The following KCNV2 variants were observed in gnomAD, a reference collection of about 807,000 sequenced individuals.
The protein encoded by KCNV2 is potassium voltage-gated channel subfamily V member 2.
Under a neutral mutation model 37.0 loss-of-function variants are expected in KCNV2, and 65 were observed. That is an observed-to-expected ratio of 1.76 (90% CI 1.44 to 2.16). KCNV2 has a LOEUF of 2.16. Ranked by LOEUF, KCNV2 falls within the 30% of genes most tolerant of loss-of-function variation. KCNV2 has a pLI of 0.00. For synonymous variants in KCNV2, 518 were observed against 328.6 expected (o/e 1.58, Z -6.23); for missense variants, 1,232 against 766.7 (o/e 1.61, Z -7.17).
rs1409220982 is a variant in KCNV2, at chr9:2,729,541, C to G, written c.1452C>G (p.Leu484=). ...AFLCIAFGII[L]NGMPISILYN... is the part of the protein sequence containing the mutation. ...TCTGCATTGCTTTTGGGATCATTCTCAACGGGATGCCCATTTCCATCCTCT... is the reference window on the plus strand; with the variant it reads ...TCTGCATTGCTTTTGGGATCATTCTGAACGGGATGCCCATTTCCATCCTCT... The change falls in exon 2 of 2, where the codon CTC becomes CTG. Residue 484 remains leucine (L), a synonymous_variant. Coordinates refer to ENST00000382082, the MANE Select transcript of KCNV2 (RefSeq NM_133497.4). The G allele has an allele frequency of 6.2e-7, 1 of 1,614,018 alleles. No individual in the cohort carries two copies. The highest frequency in any genetic ancestry group is 1.3e-5 in the African/African-American group (1 of 74,922).
Position 2,723,783 on chromosome 9 carries a change from A to T in KCNV2, c.1356+4688A>T, listed in dbSNP as rs143740885. Among the ~76,000 whole-genome samples the T allele has an allele frequency of 3.7e-3, 559 of 152,328 alleles. 3 individuals are homozygous for T. Among genetic ancestry groups the T allele is most frequent in the African/African-American group, 0.013 (529 of 41,578 alleles). ...ATACGAGAAGGTCAGCTGTTCCCTC[A>T]TGGGAGAACTTCTGAGAGTCCAGAT... On this transcript the variant is annotated intron_variant, in intron 1 of 1. Transcript: ENST00000382082.
rs759494325 is a variant in KCNV2, at chr9:2,729,412, CTAA to C, written c.1357-33_1357-31del. ...TTTCTTCTCCTCCCCGATCTTAGTG[CTAA>C]CAATTCCATCCTGCTTTCCTTCCTC... is the stretch of plus-strand genomic sequence containing the variant. On this transcript the variant is annotated intron_variant, in intron 1 of 1. Coordinates refer to ENST00000382082, the MANE Select transcript of KCNV2 (RefSeq NM_133497.4). 1.9e-6 allele frequency: 3 copies of C among 1,611,748 alleles called. No homozygotes were observed. The East Asian group carries it at 6.7e-5, about 36-fold the overall frequency.
chr9:2,718,501 C>G lies in KCNV2; in HGVS notation c.762C>G (p.Phe254Leu), dbSNP rs147022958. Residue 254 changes from phenylalanine (F) to leucine (L), a missense_variant, in exon 1 of 2, where the codon TTC (phenylalanine) becomes TTG (leucine). Transcript: ENST00000382082. ...RRLWNLMEKPFSSVAAKAIGV... is the reference protein window; with the variant it reads ...RRLWNLMEKPLSSVAAKAIGV... Reference sequence around the variant, plus strand: ...TCTGGAACCTCATGGAGAAGCCATTCTCCTCGGTGGCCGCCAAGGCCATCG... The same window carrying G: ...TCTGGAACCTCATGGAGAAGCCATTGTCCTCGGTGGCCGCCAAGGCCATCG... 1.1e-3 allele frequency: 1,748 copies of G among 1,610,838 alleles called. 5 individuals are homozygous for G. The highest frequency in any genetic ancestry group is 1.4e-3 in the Non-Finnish European group (1,611 of 1,179,084).
At position 2,717,667 on chromosome 9, in the gene KCNV2, T is replaced by C. The variant is rs1819753748; in HGVS notation, c.-73T>C. Reference sequence around the variant, plus strand: ...GTGCAGGCCACGTGATCCATCCTCCTAGAGGCAGTGAGCAGGTGAGGGACC... The same window carrying C: ...GTGCAGGCCACGTGATCCATCCTCCCAGAGGCAGTGAGCAGGTGAGGGACC... On this transcript the variant is annotated 5_prime_UTR_variant, in exon 1 of 2. Coordinates refer to ENST00000382082, the MANE Select transcript of KCNV2 (RefSeq NM_133497.4). The C allele has an allele frequency of 4.4e-6, 7 of 1,595,446 alleles. No homozygotes were observed. Among genetic ancestry groups the C allele is most frequent in the African/African-American group, 1.3e-5 (1 of 74,730 alleles).
chr9:2,721,657 G>C (rs1436821568), intron 1 of KCNV2, among the ~76,000 whole-genome samples: 1 of 150,602 alleles, frequency 6.6e-6, no homozygotes, highest in African/African-American at 2.5e-5. Context: ...TACAGGGTAG[G>C]AGAAGAAAAA....
intron 1 of KCNV2, among the ~76,000 whole-genome samples, chr9:2,722,412 TTATTTATAAA>T (rs1819893259): frequency 7.2e-6 from 1 of 138,420 alleles, no homozygotes; most frequent in Admixed American, 7.2e-5. Flanking sequence ...TATAAATAAG[TTATTTATAAA>T]TAGAAGTTAT....
chr9:2,718,795 C>A lies in KCNV2; in HGVS notation c.1056C>A (p.Leu352=). 1 of 1,610,746 alleles carries A rather than the reference C, an allele frequency of 6.2e-7. No individual in the cohort carries two copies. Among genetic ancestry groups the A allele is most frequent in the Non-Finnish European group, 8.5e-7 (1 of 1,179,886 alleles). ...AILPLYLQLL[L]ECFTGEGHQR... ...TGCCGCTCTACCTTCAGCTGCTGCT[C>A]GAGTGCTTCACGGGCGAGGGCCACC... is the stretch of plus-strand genomic sequence containing the variant. Residue 352 remains leucine, a synonymous_variant, in exon 1 of 2, where the codon CTC becomes CTA. Coordinates refer to ENST00000382082, the MANE Select transcript of KCNV2 (RefSeq NM_133497.4).
In KCNV2 at chr9:2,729,756, T is replaced by G. The variant is rs1156701373; in HGVS notation, c.*29T>G. ...TTTATAGGACATGTGGCTGGTAGAT[T>G]CCATGAACTTCAAGGCTTCATTGCT... is the stretch of plus-strand genomic sequence containing the variant. On this transcript the variant is annotated 3_prime_UTR_variant, in exon 2 of 2. Coordinates refer to ENST00000382082, the MANE Select transcript of KCNV2 (RefSeq NM_133497.4). 1 of 1,608,878 alleles carries G rather than the reference T, an allele frequency of 6.2e-7. No homozygotes were observed. Among genetic ancestry groups the G allele is most frequent in the Non-Finnish European group, 8.5e-7 (1 of 1,175,396 alleles).
Position 2,717,996 on chromosome 9 carries a change from C to T in KCNV2, c.257C>T (p.Pro86Leu), listed in dbSNP as rs1379886188. ...QQAGEVTTAK[P>L]EGPSDPPALL... ...GCAGGGGAGGTCACCACCGCCAAGC[C>T]CGAGGGCCCCAGCGACCCTCCGGCC... The change falls in exon 1 of 2, where the codon CCC becomes CTC. Residue 86 changes from proline (P) to leucine (L), a missense_variant. Transcript: ENST00000382082. 1 of 1,614,100 alleles carries T rather than the reference C, an allele frequency of 6.2e-7. No homozygotes were observed. Among genetic ancestry groups the T allele is most frequent in the Admixed American group, 1.7e-5 (1 of 60,032 alleles).
intron 1 of KCNV2, among the ~76,000 whole-genome samples, chr9:2,726,335 C>T (rs978373076): frequency 6.6e-6 from 1 of 152,100 alleles, no homozygotes; most frequent in Admixed American, 6.5e-5. Context: ...TTATTGGGGA[C>T]CAGTCACACA....
rs771691876 is a variant in KCNV2, at chr9:2,718,298, T to C, written c.559T>C (p.Tyr187His). Residue 187 changes from tyrosine to histidine, a missense_variant, in exon 1 of 2, where the codon TAC becomes CAC. By Grantham distance (83) the Tyr-to-His change is moderately conservative. Transcript: ENST00000382082. ...GCGCCGCTTCCTGGAGGAGCTGGGC[T>C]ACTGGGGCGTGCGGCTCAAGTACAC... ...CPRRFLEELG[Y>H]WGVRLKYTPR... 1.2e-6 allele frequency: 2 copies of C among 1,610,174 alleles called. No homozygotes were observed. Among genetic ancestry groups the C allele is most frequent in the Non-Finnish European group, 1.7e-6 (2 of 1,179,432 alleles).
chr9:2,723,442 C>T (rs12344452), intron 1 of KCNV2, among the ~76,000 whole-genome samples: 8,172 of 152,228 alleles, frequency 0.054, 751 homozygotes, highest in African/African-American at 0.19. Context: ...GTTTTCATTA[C>T]TGTGAATTCT....
intron 1 of KCNV2, among the ~76,000 whole-genome samples, chr9:2,723,562 G>C (rs1819917186): frequency 1.3e-5 from 2 of 150,250 alleles, no homozygotes; most frequent in South Asian, 4.1e-4. Flanking sequence ...GGTTATTTGT[G>C]AGCACTAATG....
In KCNV2 at chr9:2,717,673, C is replaced by T; in HGVS notation, c.-67C>T. ...GCCACGTGATCCATCCTCCTAGAGG[C>T]AGTGAGCAGGTGAGGGACCCCTACC... On this transcript the variant is annotated 5_prime_UTR_variant, in exon 1 of 2. Coordinates refer to ENST00000382082, the MANE Select transcript of KCNV2 (RefSeq NM_133497.4). The T allele has an allele frequency of 6.3e-7, 1 of 1,596,640 alleles. No homozygotes were observed. The highest frequency in any genetic ancestry group is 1.3e-5 in the African/African-American group (1 of 74,736).
At chr9:2,725,066 A>G (rs1716605609) in intron 1 of KCNV2, among the ~76,000 whole-genome samples, 1 of 152,186 alleles carries the variant, frequency 6.6e-6, no homozygotes, top group Non-Finnish European at 1.5e-5. Context: ...ATTTTAGCCA[A>G]TATGATGTGA....
At chr9:2,721,707 G>C (rs886554118) in intron 1 of KCNV2, among the ~76,000 whole-genome samples, 1 of 152,120 alleles carries the variant, frequency 6.6e-6, no homozygotes, top group African/African-American at 2.4e-5. Flanking sequence ...ACATTCTAAT[G>C]GAGAAAGACA....
At chr9:2,723,584 A>C (rs1281025017) in intron 1 of KCNV2, among the ~76,000 whole-genome samples, 2 of 152,238 alleles carry the variant, frequency 1.3e-5, no homozygotes, top group Non-Finnish European at 2.9e-5. Flanking sequence ...AATAGGAAAC[A>C]TATGTAAACT....
chr9:2,719,105 T>G lies in KCNV2; in HGVS notation c.1356+10T>G. 3 of 1,606,614 alleles carry G rather than the reference T, an allele frequency of 1.9e-6. No homozygotes were observed. The highest frequency in any genetic ancestry group is 2.5e-6 in the Non-Finnish European group (3 of 1,179,914). On this transcript the variant is annotated intron_variant, in intron 1 of 1. Transcript: ENST00000382082. Reference sequence around the variant, plus strand: ...CTGGTGGTGGGCCGCGGTGAGTACCTTTGCCCTGGGCTTTCCCATCCTCTT... The same window carrying G: ...CTGGTGGTGGGCCGCGGTGAGTACCGTTGCCCTGGGCTTTCCCATCCTCTT...
intron 1 of KCNV2, among the ~76,000 whole-genome samples, chr9:2,725,179 C>T (rs1819948637): frequency 2.0e-5 from 3 of 152,170 alleles, no homozygotes; most frequent in Non-Finnish European, 4.4e-5. Flanking sequence ...ATTAATAGAT[C>T]TCAAACTTAC....
Sources: gnomAD v4.1 joint callset for allele counts (sites outside exome capture counted in the v4.1 genomes callset) on GRCh38, gnomAD v4.1.1 for gene constraint, MANE v1.5 for transcripts, NCBI Gene and HGNC (gene_info 2026-07-23, HGNC 2026-07-21) for gene names.